MPP7: variants seen among roughly 807,000 people sequenced by gnomAD.
MPP7 encodes MAGUK p55 scaffold protein 7.
Under a neutral mutation model 76.5 loss-of-function variants are expected in MPP7, and 60 were observed. That is an observed-to-expected ratio of 0.78 (90% CI 0.64 to 0.97). The LOEUF is 0.97. Ranked by LOEUF, MPP7 falls within the 50% of genes least tolerant of loss-of-function variation. The probability of loss-of-function intolerance (pLI) is 0.00; values close to 1 mark genes in which losing one functional copy is unlikely to be tolerated. For synonymous variants in MPP7, 237 were observed against 244.5 expected, an observed-to-expected ratio of 0.97 and a Z score of 0.29; for missense variants, 641 against 694.0, an observed-to-expected ratio of 0.92 and a Z score of 0.86.
At chr10:28,079,696 C>A (rs1317423523) in intron 12 of MPP7, among the ~76,000 whole-genome samples, 1 of 152,100 alleles carries the variant, frequency 6.6e-6, no homozygotes, top group Non-Finnish European at 1.5e-5. Flanking sequence ...TTTGAACCTT[C>A]AATTCTGTAC....
At chr10:28,168,712 G>T (rs1481981606) in intron 3 of MPP7, among the ~76,000 whole-genome samples, 1 of 152,038 alleles carries the variant, frequency 6.6e-6, no homozygotes, top group Non-Finnish European at 1.5e-5. Flanking sequence ...TAAACACGGG[G>T]TTTCACCATG....
At position 28,126,556 on chromosome 10, in the gene MPP7, G is replaced by A. The variant is rs1055860418; in HGVS notation, c.448-1465C>T. 2.6e-5 allele frequency among the ~76,000 whole-genome samples: 4 copies of A among 152,176 alleles called. No individual in the cohort carries two copies. In the South Asian group the frequency reaches 8.3e-4, roughly 32 times the overall value. On this transcript the variant is annotated intron_variant, in intron 6 of 16. Transcript: ENST00000683449. Reference sequence around the variant, plus strand: ...GGACTTGTTTAAGGTAATCTGACCAGAGACACAATCATTCATCTCAATCAT... The same window carrying A: ...GGACTTGTTTAAGGTAATCTGACCAAAGACACAATCATTCATCTCAATCAT...
chr10:28,065,917 A>G (rs1851971942), intron 13 of MPP7, among the ~76,000 whole-genome samples: 1 of 152,200 alleles, frequency 6.6e-6, no homozygotes, highest in Non-Finnish European at 1.5e-5. Context: ...GAAGCTATCA[A>G]ATATTTGATG....
intron 2 of MPP7, among the ~76,000 whole-genome samples, chr10:28,237,569 A>G (rs900979466): frequency 6.6e-6 from 1 of 152,222 alleles, no homozygotes; most frequent in African/African-American, 2.4e-5. Context: ...AATAGTGCAA[A>G]TGAAAATGCC....
chr10:28,169,538 C>T (rs1014485416), intron 3 of MPP7, among the ~76,000 whole-genome samples: 2 of 152,110 alleles, frequency 1.3e-5, no homozygotes, highest in Non-Finnish European at 2.9e-5. Flanking sequence ...AATTAATACA[C>T]GTTAGATAAT....
chr10:28,177,492 T>C (rs1023764883), intron 3 of MPP7, among the ~76,000 whole-genome samples: 8 of 152,106 alleles, frequency 5.3e-5, no homozygotes, highest in African/African-American at 1.7e-4. Flanking sequence ...CGTAGATTAA[T>C]TGTTCCTATA....
chr10:28,328,871 A>G (rs893547160), intron 2 of MPP7, among the ~76,000 whole-genome samples: 1 of 152,192 alleles, frequency 6.6e-6, no homozygotes, highest in Non-Finnish European at 1.5e-5. Context: ...CTATACCATT[A>G]CGATGTCTCT....
intron 7 of MPP7, 65 bp from the exon 8 acceptor site, chr10:28,124,181 G>A (rs1173173297): frequency 3.9e-6 from 4 of 1,033,560 alleles, no homozygotes; most frequent in Admixed American, 1.7e-5. Flanking sequence ...ATTTGCAGCT[G>A]TTTCCATAAG....
At chr10:28,201,688 T>C (rs1048415987) in intron 3 of MPP7, among the ~76,000 whole-genome samples, 1 of 152,192 alleles carries the variant, frequency 6.6e-6, no homozygotes, top group Admixed American at 6.5e-5. Context: ...ACCACTTCAA[T>C]GGAGTTCTGC....
intron 3 of MPP7, among the ~76,000 whole-genome samples, chr10:28,191,051 T>G (rs1439242397): frequency 6.6e-6 from 1 of 152,092 alleles, no homozygotes; most frequent in Non-Finnish European, 1.5e-5. Flanking sequence ...CACCATTCCT[T>G]GAAAGACAAG....
At chr10:28,082,378 C>T (rs1564621422) in intron 12 of MPP7, among the ~76,000 whole-genome samples, 1 of 151,698 alleles carries the variant, frequency 6.6e-6, no homozygotes, top group Non-Finnish European at 1.5e-5. Flanking sequence ...CCTCCTCCTC[C>T]TCTTCCTTCT....
At chr10:28,139,693 G>A (rs1379812708) in intron 5 of MPP7, among the ~76,000 whole-genome samples, 1 of 152,122 alleles carries the variant, frequency 6.6e-6, no homozygotes, top group African/African-American at 2.4e-5. Context: ...CGGCAAAAAG[G>A]CTGCTCCATA....
intron 13 of MPP7, among the ~76,000 whole-genome samples, chr10:28,064,181 C>A (rs939493601): frequency 6.6e-6 from 1 of 152,052 alleles, no homozygotes; most frequent in African/African-American, 2.4e-5. Context: ...GAGGAAGAAA[C>A]CCCTAAATCC....
intron 1 of MPP7, among the ~76,000 whole-genome samples, chr10:28,248,162 CCTGCTAGTGGA>C (rs1839496953): frequency 6.6e-6 from 1 of 152,118 alleles, no homozygotes; most frequent in East Asian, 1.9e-4. Flanking sequence ...CTGTGCACAG[CCTGCTAGTGGA>C]CTGCTAGCCA....
intron 8 of MPP7, among the ~76,000 whole-genome samples, chr10:28,121,328 A>G (rs1239182572): frequency 6.6e-6 from 1 of 151,376 alleles, no homozygotes; most frequent in Non-Finnish European, 1.5e-5. Context: ...AAGTATCAGC[A>G]TCCATGTTTT....
intron 13 of MPP7, among the ~76,000 whole-genome samples, chr10:28,067,667 G>A (rs2133356919): frequency 6.6e-6 from 1 of 152,246 alleles, no homozygotes; most frequent in Non-Finnish European, 1.5e-5. Flanking sequence ...GTAAATTGAG[G>A]CTAAAGTATG....
chr10:28,093,754 T>C (rs1292639483), intron 11 of MPP7, among the ~76,000 whole-genome samples: 1 of 152,100 alleles, frequency 6.6e-6, no homozygotes, highest in Non-Finnish European at 1.5e-5. Flanking sequence ...GCCAAGTTTT[T>C]ACTTTCATCA....
intron 2 of MPP7, among the ~76,000 whole-genome samples, chr10:28,234,803 T>C (rs1036152517): frequency 4.6e-5 from 7 of 151,996 alleles, no homozygotes; most frequent in Admixed American, 4.6e-4. Flanking sequence ...TTGTTTTTTG[T>C]TTTGTTTTGT....
At chr10:28,120,081 A>G in intron 10 of MPP7, 113 bp downstream of exon 10, 5 of 1,189,336 alleles carry the variant, frequency 4.2e-6, no homozygotes, top group Non-Finnish European at 4.6e-6. Context: ...CAGGATAAAA[A>G]ATTCTAAGGC....
Sources: allele counts gnomAD v4.1 joint callset (sites outside exome capture counted in the v4.1 genomes callset), GRCh38; gene constraint gnomAD v4.1.1; transcripts MANE v1.5; gene names NCBI Gene and HGNC (gene_info 2026-07-23, HGNC 2026-07-21).